Variants in MFSD6 observed in about 807,000 individuals in gnomAD.
The protein encoded by MFSD6 is major facilitator superfamily domain-containing protein 6.
A neutral mutation model predicts 56.3 loss-of-function variants in MFSD6; 26 were observed. That is an observed-to-expected ratio of 0.46 (90% CI 0.34 to 0.64). The LOEUF is 0.64. Ranked by LOEUF, MFSD6 falls within the 30% of genes least tolerant of loss-of-function variation. The probability of loss-of-function intolerance (pLI) is 0.01; values close to 1 mark genes in which losing one functional copy is unlikely to be tolerated. For missense variants in MFSD6, 750 were observed against 986.2 expected, an observed-to-expected ratio of 0.76 and a Z score of 3.21; for synonymous variants, 331 against 366.9, an observed-to-expected ratio of 0.90 and a Z score of 1.12.
rs896554125 is a variant in MFSD6 at position 190,494,121 on chromosome 2, A to G, written c.1892-3318A>G. On this transcript the variant is annotated intron_variant, in intron 6 of 7. Transcript: ENST00000392328. This position sits in a 1 kb window ranked among gnomAD's most constrained non-coding sequence, Gnocchi z 5.7. ...GATATATCATTAACAAGATTAACCA[A>G]GAAAAGAAAAGAGAAAATCCAAATA... 1.3e-5 allele frequency among the ~76,000 whole-genome samples: 2 copies of G among 152,148 alleles called. No individual in the cohort carries two copies. Among genetic ancestry groups the G allele is most frequent in the African/African-American group, 4.8e-5 (2 of 41,462 alleles).
At chr2:190,479,728 A>T (rs1462832317) in intron 4 of MFSD6, among the ~76,000 whole-genome samples, 1 of 152,158 alleles carries the variant, frequency 6.6e-6, no homozygotes, top group African/African-American at 2.4e-5. Context: ...GGCTGCTATA[A>T]CTAAAGAGGT....
Position 190,490,461 on chromosome 2 carries a change from G to C in MFSD6, c.1891+595G>C, listed in dbSNP as rs865918987. Among the ~76,000 whole-genome samples, 1 of 152,026 alleles carries C rather than the reference G, an allele frequency of 6.6e-6. No individual in the cohort carries two copies. Among genetic ancestry groups the C allele is most frequent in the African/African-American group, 2.4e-5 (1 of 41,392 alleles). On this transcript the variant is annotated intron_variant, in intron 6 of 7. Transcript: ENST00000392328. This position sits in a 1 kb window ranked among gnomAD's most constrained non-coding sequence, Gnocchi z 4.5. The stretch of plus-strand genomic sequence containing the variant: ...GCCTGTAATCCCAGCTACTCAGGAG[G>C]CTGAGGCAGGAGAATGGCGTGAACC...
chr2:190,499,752 A>C lies in MFSD6; in HGVS notation c.2173-263A>C, dbSNP rs1559147977. On this transcript the variant is annotated intron_variant, in intron 7 of 7. Transcript: ENST00000392328. This position sits in a 1 kb window ranked among gnomAD's most constrained non-coding sequence, Gnocchi z 6.0. ...TGTAAACTGTTTACCAAGTACTAACAGACATTTTGGTAGTAATGTTCCTTT... is the reference window on the plus strand; with the variant it reads ...TGTAAACTGTTTACCAAGTACTAACCGACATTTTGGTAGTAATGTTCCTTT... The C allele has an allele frequency of 7.3e-7, 1 of 1,373,696 alleles. No individual in the cohort carries two copies. 85.1% of individuals were successfully genotyped at this position (1,373,696 alleles called of 1,614,324 possible).
Position 190,465,096 on chromosome 2 carries a change from T to TA in MFSD6, c.1533-4661dup, listed in dbSNP as rs1478323306. Among the ~76,000 whole-genome samples, 5 of 152,242 alleles carry TA rather than the reference T, an allele frequency of 3.3e-5. No individual in the cohort carries two copies. The highest frequency in any genetic ancestry group is 7.3e-5 in the Non-Finnish European group (5 of 68,038). On this transcript the variant is annotated intron_variant, in intron 3 of 7. Transcript: ENST00000392328. This position sits in a 1 kb window ranked among gnomAD's most constrained non-coding sequence, Gnocchi z 4.6. ...ACCACAAATCAGCTTAAACTGCTAA[T>TA]ACTGTGAATTGTGCTTATATAAGAA...
chr2:190,470,157 G>T (rs1687833770), intron 4 of MFSD6, among the ~76,000 whole-genome samples: 1 of 152,258 alleles, frequency 6.6e-6, no homozygotes, highest in Non-Finnish European at 1.5e-5. Flanking sequence ...TCCAAGGGTG[G>T]TTTTAAGATA....
At position 190,429,336 on chromosome 2, in the gene MFSD6, T is replaced by A. The variant is rs536037114; in HGVS notation, c.-53-6641T>A. 1.1e-3 allele frequency among the ~76,000 whole-genome samples: 162 copies of A among 151,978 alleles called. 1 individual carries two copies. Among genetic ancestry groups the A allele is most frequent in the African/African-American group, 3.8e-3 (158 of 41,486 alleles). ...TAGCTTATGAACAGAAATTCTTTTT[T>A]TTTTTTTGAGATGGAGTCTCACTCT... On this transcript the variant is annotated intron_variant, in intron 2 of 7. Coordinates refer to ENST00000392328, the MANE Select transcript of MFSD6 (RefSeq NM_017694.4).
In MFSD6 at chr2:190,413,978, T is replaced by C. The variant is rs1690675493; in HGVS notation, c.-175-1314T>C. On this transcript the variant is annotated intron_variant, in intron 1 of 7. Transcript: ENST00000392328. This position sits in a 1 kb window ranked among gnomAD's most constrained non-coding sequence, Gnocchi z 4.1. Reference sequence around the variant, plus strand: ...TTAGGGACAAAGTTAAGGTAGAACATACTTGGCCTCAAGGTACTTGGCTCA... The same window carrying C: ...TTAGGGACAAAGTTAAGGTAGAACACACTTGGCCTCAAGGTACTTGGCTCA... Among the ~76,000 whole-genome samples the C allele has an allele frequency of 6.6e-6, 1 of 152,106 alleles. No homozygotes were observed. The highest frequency in any genetic ancestry group is 1.5e-5 in the Non-Finnish European group (1 of 68,012).
At chr2:190,464,697 T>C (rs1242618421) in intron 3 of MFSD6, 1 of 160,184 alleles carries the variant, frequency 6.2e-6, no homozygotes, top group Non-Finnish European at 1.3e-5. Context: ...TCCTGTGTGG[T>C]CCCATTGCAC....
At position 190,431,664 on chromosome 2, in the gene MFSD6, A is replaced by G. The variant is rs1374821726; in HGVS notation, c.-53-4313A>G. Among the ~76,000 whole-genome samples the G allele has an allele frequency of 6.6e-6, 1 of 152,176 alleles. No homozygotes were observed. The highest frequency in any genetic ancestry group is 1.5e-5 in the Non-Finnish European group (1 of 68,022). On this transcript the variant is annotated intron_variant, in intron 2 of 7. Transcript: ENST00000392328. The surrounding 1 kb of genome is among the most constrained non-coding windows in gnomAD (Gnocchi z 4.4). ...AGCCGAGATGGCAGCAGTACAGTCC[A>G]GCTTCGGCTCAGCATCAGGGAGACC...
intron 2 of MFSD6, among the ~76,000 whole-genome samples, chr2:190,420,071 T>TA (rs1222318589): frequency 2.6e-5 from 4 of 152,164 alleles, no homozygotes; most frequent in African/African-American, 4.8e-5. Flanking sequence ...TTTCTTTTTT[T>TA]AAAAAAGCAT....
chr2:190,427,818 A>C (rs1481190125), intron 2 of MFSD6, among the ~76,000 whole-genome samples: 1 of 150,970 alleles, frequency 6.6e-6, no homozygotes, highest in Non-Finnish European at 1.5e-5. Flanking sequence ...TGCAATCCCC[A>C]CCTCCTGGGT....
chr2:190,446,311 C>T (rs746636247), intron 3 of MFSD6, among the ~76,000 whole-genome samples: 6 of 152,128 alleles, frequency 3.9e-5, no homozygotes, highest in South Asian at 4.1e-4. Context: ...GGTGGATGGA[C>T]GCAGGGTGTA....
intron 1 of MFSD6, chr2:190,411,851 A>G (rs1030827565): frequency 4.1e-6 from 4 of 985,228 alleles, no homozygotes; most frequent in Non-Finnish European, 4.8e-6. Context: ...GAGCATACAC[A>G]ATTTATCTGC....
Position 190,502,055 on chromosome 2 carries a change from A to T in MFSD6, c.*1837A>T, listed in dbSNP as rs1690048106. On this transcript the variant is annotated 3_prime_UTR_variant, in exon 8 of 8. Coordinates refer to ENST00000392328, the MANE Select transcript of MFSD6 (RefSeq NM_017694.4). This position sits in a 1 kb window ranked among gnomAD's most constrained non-coding sequence, Gnocchi z 4.4. ...GGAAATGCACAGTTGACATGTTGAAATAAAAATGAATACCATTTTTAAATG... is the reference window on the plus strand; with the variant it reads ...GGAAATGCACAGTTGACATGTTGAATTAAAAATGAATACCATTTTTAAATG... 6.5e-6 allele frequency: 1 copy of T among 152,674 alleles called. No individual in the cohort carries two copies. The highest frequency in any genetic ancestry group is 1.5e-5 in the Non-Finnish European group (1 of 68,046). 9.5% of individuals were successfully genotyped at this position (152,674 alleles called of 1,614,324 possible). A position where few individuals can be genotyped will look rare whatever the true frequency, so the allele number is the denominator to read the frequency against.
Position 190,465,035 on chromosome 2 carries a change from C to T in MFSD6, c.1533-4723C>T. The T allele has an allele frequency of 2.0e-6, 1 of 506,050 alleles. No individual in the cohort carries two copies. The highest frequency in any genetic ancestry group is 2.6e-6 in the Non-Finnish European group (1 of 390,792). 31.3% of individuals were successfully genotyped at this position (506,050 alleles called of 1,614,324 possible). On this transcript the variant is annotated intron_variant, in intron 3 of 7. Transcript: ENST00000392328. The surrounding 1 kb of genome is among the most constrained non-coding windows in gnomAD (Gnocchi z 4.6). ...TAATTCATTGTATCTATATCTTGAA[C>T]ACTCTTGAAAAAAATACCAGTTTTA...
In MFSD6 at chr2:190,433,681, G is replaced by A. The variant is rs1338057901; in HGVS notation, c.-53-2296G>A. Among the ~76,000 whole-genome samples the A allele has an allele frequency of 6.6e-6, 1 of 152,070 alleles. No individual in the cohort carries two copies. Among genetic ancestry groups the A allele is most frequent in the African/African-American group, 2.4e-5 (1 of 41,402 alleles). On this transcript the variant is annotated intron_variant, in intron 2 of 7. Transcript: ENST00000392328. The surrounding 1 kb of genome is among the most constrained non-coding windows in gnomAD (Gnocchi z 4.5). ...CATTTTCAAAGCTTACAGCTACATTGACATCTGGCTTTTGGGGATAACAGA... is the reference window on the plus strand; with the variant it reads ...CATTTTCAAAGCTTACAGCTACATTAACATCTGGCTTTTGGGGATAACAGA...
chr2:190,463,732 A>G lies in MFSD6; in HGVS notation c.1533-6026A>G, dbSNP rs1373670117. On this transcript the variant is annotated intron_variant, in intron 3 of 7. Coordinates refer to ENST00000392328, the MANE Select transcript of MFSD6 (RefSeq NM_017694.4). This position sits in a 1 kb window ranked among gnomAD's most constrained non-coding sequence, Gnocchi z 4.4. ...CTACTTGGGGGGCTGAGGTGGGAGG[A>G]TCACCTGGGCTCTGGTGGTCAAGGC... The G allele has an allele frequency of 3.9e-6, 1 of 259,706 alleles. No homozygotes were observed. The highest frequency in any genetic ancestry group is 6.0e-6 in the Non-Finnish European group (1 of 166,672). The allele number at this position is 259,706 out of a possible 1,614,324, so 16.1% of individuals were successfully genotyped here.
intron 4 of MFSD6, among the ~76,000 whole-genome samples, chr2:190,486,829 G>A (rs1430660443): frequency 1.3e-5 from 2 of 152,148 alleles, no homozygotes; most frequent in East Asian, 1.9e-4. Context: ...TCTTAATCTC[G>A]TCTAGCTATA....
chr2:190,445,691 C>A (rs955550005), intron 3 of MFSD6, among the ~76,000 whole-genome samples: 3 of 152,108 alleles, frequency 2.0e-5, no homozygotes, highest in Non-Finnish European at 4.4e-5. Flanking sequence ...TCTTTTTCCT[C>A]TCCTGGTACC....
Sources: allele counts gnomAD v4.1 joint callset (sites outside exome capture counted in the v4.1 genomes callset), GRCh38; gene constraint gnomAD v4.1.1; non-coding constraint Gnocchi (gnomAD v3.1); transcripts MANE v1.5; gene names NCBI Gene and HGNC (gene_info 2026-07-23, HGNC 2026-07-21).